Variants in COX7B2 observed in about 807,000 individuals in gnomAD.
COX7B2 encodes the protein cytochrome c oxidase subunit 7B2, mitochondrial.
For missense variants in COX7B2, 109 were observed against 95.9 expected (o/e 1.14, Z -0.57); for synonymous variants, 37 against 32.1 (o/e 1.15, Z -0.51).
At chr4:46,884,329 T>C (rs1390611998) in intron 1 of COX7B2, among the ~76,000 whole-genome samples, 1 of 152,174 alleles carries the variant, frequency 6.6e-6, no homozygotes, top group Non-Finnish European at 1.5e-5. Flanking sequence ...AGTGCTGAGA[T>C]TACATGCATG....
chr4:46,753,295 G>A (rs1230304613), intron 2 of COX7B2, among the ~76,000 whole-genome samples: 1 of 151,926 alleles, frequency 6.6e-6, no homozygotes, highest in South Asian at 2.1e-4. Flanking sequence ...GCATCTATTT[G>A]ATTTTTCTTT....
At chr4:46,740,316 C>T (rs760201846) in intron 2 of COX7B2, among the ~76,000 whole-genome samples, 5 of 152,084 alleles carry the variant, frequency 3.3e-5, no homozygotes, top group Non-Finnish European at 5.9e-5. Flanking sequence ...ACAATGTTAA[C>T]TGTCATACTG....
intron 1 of COX7B2, among the ~76,000 whole-genome samples, chr4:46,857,667 A>G (rs1560422880): frequency 6.6e-6 from 1 of 152,232 alleles, no homozygotes; most frequent in Non-Finnish European, 1.5e-5. Flanking sequence ...CAACATATTT[A>G]TGTAACAGCC....
chr4:46,863,933 T>A (rs1345404565), intron 1 of COX7B2, among the ~76,000 whole-genome samples: 1 of 152,184 alleles, frequency 6.6e-6, no homozygotes, highest in African/African-American at 2.4e-5. Flanking sequence ...TGGACTAAAA[T>A]GTTTAATTGG....
intron 2 of COX7B2, among the ~76,000 whole-genome samples, chr4:46,827,072 T>C (rs904596015): frequency 2.6e-5 from 4 of 151,854 alleles, no homozygotes; most frequent in Admixed American, 1.3e-4. Flanking sequence ...GAAGAAAAGA[T>C]TGAAAAACAA....
intron 2 of COX7B2, among the ~76,000 whole-genome samples, chr4:46,736,719 G>C (rs187220840): frequency 6.6e-6 from 1 of 152,146 alleles, no homozygotes; most frequent in African/African-American, 2.4e-5. Context: ...CAGTATACCT[G>C]TTCAGACTGG....
intron 1 of COX7B2, among the ~76,000 whole-genome samples, chr4:46,877,162 G>C (rs1718393220): frequency 1.3e-5 from 2 of 152,148 alleles, no homozygotes; most frequent in African/African-American, 4.8e-5. Flanking sequence ...GGTGTATCAG[G>C]GAGTGGTAAG....
At chr4:46,861,657 G>C (rs191144313) in intron 1 of COX7B2, among the ~76,000 whole-genome samples, 1 of 152,324 alleles carries the variant, frequency 6.6e-6, no homozygotes, top group African/African-American at 2.4e-5. Flanking sequence ...CTGTAGAAAA[G>C]AAACAAAATA....
At chr4:46,835,572 A>C (rs74369398) in intron 2 of COX7B2, among the ~76,000 whole-genome samples, 1 of 152,152 alleles carries the variant, frequency 6.6e-6, no homozygotes. Context: ...ATGGTTTTCA[A>C]TGGAAAAAAC....
chr4:46,769,888 T>C (rs141767927), intron 2 of COX7B2, among the ~76,000 whole-genome samples: 30 of 152,222 alleles, frequency 2.0e-4, no homozygotes, highest in Admixed American at 6.5e-4. Flanking sequence ...GCTAATATCA[T>C]ACTCAGTGAT....
At chr4:46,740,103 C>T (rs151326389) in intron 2 of COX7B2, among the ~76,000 whole-genome samples, 3 of 151,852 alleles carry the variant, frequency 2.0e-5, no homozygotes, top group African/African-American at 7.3e-5. Flanking sequence ...TATCTTTGTT[C>T]TGCATTTTAG....
intron 1 of COX7B2, among the ~76,000 whole-genome samples, chr4:46,872,086 G>A (rs1327663476): frequency 6.6e-6 from 1 of 152,150 alleles, no homozygotes; most frequent in Non-Finnish European, 1.5e-5. Flanking sequence ...GGCCATCAGT[G>A]TCAGACTGAA....
intron 2 of COX7B2, among the ~76,000 whole-genome samples, chr4:46,794,122 A>C (rs1415769531): frequency 6.6e-6 from 1 of 152,258 alleles, no homozygotes; most frequent in Non-Finnish European, 1.5e-5. Flanking sequence ...TAACACATAA[A>C]GTATGTTACA....
chr4:46,750,244 AT>A (rs1715285291), intron 2 of COX7B2, among the ~76,000 whole-genome samples: 1 of 144,878 alleles, frequency 6.9e-6, no homozygotes, highest in Non-Finnish European at 1.5e-5. Flanking sequence ...ACACACACAC[AT>A]TATCCAGGTG....
chr4:46,797,322 A>G (rs559383774), intron 2 of COX7B2, among the ~76,000 whole-genome samples: 102 of 152,162 alleles, frequency 6.7e-4, no homozygotes, highest in Admixed American at 6.6e-3. Context: ...AGGAAACCCA[A>G]ACATCACGGT....
At chr4:46,850,938 T>TA in intron 1 of COX7B2, among the ~76,000 whole-genome samples, 1 of 152,152 alleles carries the variant, frequency 6.6e-6, no homozygotes, top group Non-Finnish European at 1.5e-5. Flanking sequence ...CGGTTCAACT[T>TA]AAAAAAATGA....
intron 2 of COX7B2, among the ~76,000 whole-genome samples, chr4:46,804,578 A>T (rs1043708144): frequency 6.6e-6 from 1 of 152,226 alleles, no homozygotes; most frequent in Non-Finnish European, 1.5e-5. Flanking sequence ...TAGCTAGAGT[A>T]GCTAGAGTAG....
At chr4:46,791,354 A>G (rs1012776723) in intron 2 of COX7B2, among the ~76,000 whole-genome samples, 5 of 152,148 alleles carry the variant, frequency 3.3e-5, no homozygotes, top group Non-Finnish European at 7.4e-5. Flanking sequence ...GGGAATAAAC[A>G]TGACATTTTA....
chr4:46,844,157 G>T (rs1395841295), intron 2 of COX7B2, among the ~76,000 whole-genome samples: 13 of 151,852 alleles, frequency 8.6e-5, no homozygotes, highest in Admixed American at 7.2e-4. Context: ...AAAAGAAATT[G>T]TTCACAGCAA....
Sources: allele counts gnomAD v4.1 joint callset (sites outside exome capture counted in the v4.1 genomes callset), GRCh38; gene constraint gnomAD v4.1.1; transcripts MANE v1.5; gene names NCBI Gene and HGNC (gene_info 2026-07-23, HGNC 2026-07-21).